The following TIMP3 variants were observed in gnomAD, a reference collection of about 807,000 sequenced individuals.
The protein encoded by TIMP3 is metalloproteinase inhibitor 3.
A neutral mutation model predicts 30.0 loss-of-function variants in TIMP3; 11 were observed. The ratio of observed to expected loss-of-function variants is 0.37; its 90% CI spans 0.23 to 0.61. The LOEUF (loss-of-function observed/expected upper bound fraction) is 0.61. Ranked by LOEUF, TIMP3 falls within the 20% of genes least tolerant of loss-of-function variation. The probability of loss-of-function intolerance (pLI) is 0.70; values close to 1 mark genes in which losing one functional copy is unlikely to be tolerated. For missense variants in TIMP3, 181 were observed against 276.8 expected, an observed-to-expected ratio of 0.65 and a Z score of 2.45; for synonymous variants, 112 against 111.3, an observed-to-expected ratio of 1.01 and a Z score of -0.04.
intron 1 of TIMP3, among the ~76,000 whole-genome samples, chr22:32,818,062 A>G (rs1360749521): frequency 6.6e-6 from 1 of 152,254 alleles, no homozygotes; most frequent in Non-Finnish European, 1.5e-5. Flanking sequence ...CACTTGCCCT[A>G]GAGTATCACT....
At chr22:32,822,155 C>CAAAA (rs35312009) in intron 1 of TIMP3, among the ~76,000 whole-genome samples, 4 of 108,316 alleles carry the variant, frequency 3.7e-5, no homozygotes, top group East Asian at 2.4e-4. Flanking sequence ...AACTCCATCT[C>CAAAA]AAAAAAAAAA....
intron 2 of TIMP3, among the ~76,000 whole-genome samples, chr22:32,853,238 A>T (rs2048272418): frequency 6.6e-6 from 1 of 152,318 alleles, no homozygotes; most frequent in Admixed American, 6.5e-5. Flanking sequence ...CTCTGCAGAG[A>T]CTGGCTCCAT....
intron 2 of TIMP3, among the ~76,000 whole-genome samples, chr22:32,853,743 T>G (rs1268202770): frequency 6.6e-6 from 1 of 152,250 alleles, no homozygotes; most frequent in Non-Finnish European, 1.5e-5. Context: ...AATTTCAGTA[T>G]AACTTGTTCT....
chr22:32,813,777 C>A (rs2046980767), intron 1 of TIMP3, among the ~76,000 whole-genome samples: 1 of 151,978 alleles, frequency 6.6e-6, no homozygotes, highest in African/African-American at 2.4e-5. Flanking sequence ...TGGCTAGTTG[C>A]CTGTCCCTGG....
At chr22:32,838,119 G>C (rs925648897) in intron 1 of TIMP3, among the ~76,000 whole-genome samples, 1 of 152,170 alleles carries the variant, frequency 6.6e-6, no homozygotes, top group Non-Finnish European at 1.5e-5. Flanking sequence ...GCTTCTTAAA[G>C]GTAGGAACCT....
At chr22:32,804,089 C>A (rs2046661289) in intron 1 of TIMP3, among the ~76,000 whole-genome samples, 1 of 152,160 alleles carries the variant, frequency 6.6e-6, no homozygotes, top group African/African-American at 2.4e-5. Context: ...TCATAAATTT[C>A]TCAGAGAAAA....
At chr22:32,826,838 T>C (rs772128806) in intron 1 of TIMP3, among the ~76,000 whole-genome samples, 3 of 152,156 alleles carry the variant, frequency 2.0e-5, no homozygotes, top group Non-Finnish European at 2.9e-5. Context: ...GGCAGGGTTT[T>C]TGCATTCTGC....
At chr22:32,810,439 A>G (rs1406169067) in intron 1 of TIMP3, among the ~76,000 whole-genome samples, 1 of 150,908 alleles carries the variant, frequency 6.6e-6, no homozygotes, top group African/African-American at 2.4e-5. Context: ...GGGGGTGGGG[A>G]AGGGAAGGAA....
At chr22:32,827,194 G>A (rs1195675463) in intron 1 of TIMP3, among the ~76,000 whole-genome samples, 2 of 152,232 alleles carry the variant, frequency 1.3e-5, no homozygotes, top group East Asian at 1.9e-4. Context: ...AATTCAGCGA[G>A]TGACTTTGCG....
intron 1 of TIMP3, among the ~76,000 whole-genome samples, chr22:32,827,710 T>C (rs1292666014): frequency 6.6e-6 from 1 of 152,230 alleles, no homozygotes; most frequent in East Asian, 1.9e-4. Flanking sequence ...CAGTGGCTTC[T>C]TAATTCCTCA....
chr22:32,857,102 A>C, intron 2 of TIMP3, 147 bp from the exon 3 acceptor site: 1 of 712,854 alleles, frequency 1.4e-6, no homozygotes. Flanking sequence ...GCTATTGTGA[A>C]TATTGCTGCA....
At chr22:32,829,541 C>T (rs1018971291) in intron 1 of TIMP3, among the ~76,000 whole-genome samples, 1 of 152,240 alleles carries the variant, frequency 6.6e-6, no homozygotes, top group African/African-American at 2.4e-5. Context: ...CGCAGCAGGG[C>T]TGCCCGCCTC....
chr22:32,841,779 T>C (rs896867781), intron 1 of TIMP3, among the ~76,000 whole-genome samples: 1 of 152,064 alleles, frequency 6.6e-6, no homozygotes, highest in African/African-American at 2.4e-5. Flanking sequence ...AGCAAATCAC[T>C]ATGGTACATG....
At chr22:32,824,446 C>T (rs934514810) in intron 1 of TIMP3, among the ~76,000 whole-genome samples, 2 of 151,828 alleles carry the variant, frequency 1.3e-5, no homozygotes, top group East Asian at 1.9e-4. Context: ...CTTTAAACCC[C>T]GTAGTCATAT....
chr22:32,824,731 C>T (rs946798097), intron 1 of TIMP3, among the ~76,000 whole-genome samples: 2 of 152,168 alleles, frequency 1.3e-5, no homozygotes, highest in African/African-American at 4.8e-5. Flanking sequence ...TCCATTTCCT[C>T]TGCTTTCGAT....
intron 1 of TIMP3, among the ~76,000 whole-genome samples, chr22:32,814,371 AAG>A (rs1299689011): frequency 6.6e-6 from 1 of 150,636 alleles, no homozygotes; most frequent in Non-Finnish European, 1.5e-5. Context: ...GAAAGAAAGA[AAG>A]AGATTGGTTT....
At chr22:32,814,096 C>T (rs1740479201) in intron 1 of TIMP3, among the ~76,000 whole-genome samples, 2 of 135,484 alleles carry the variant, frequency 1.5e-5, no homozygotes, top group African/African-American at 5.6e-5. Context: ...CCAGCCTTTC[C>T]AGGCAATACT....
chr22:32,820,370 G>GTT (rs2047212245), intron 1 of TIMP3, among the ~76,000 whole-genome samples: 1 of 150,864 alleles, frequency 6.6e-6, no homozygotes, highest in African/African-American at 2.4e-5. Flanking sequence ...GTGTGTGTGT[G>GTT]TGTGTGTGGT....
At chr22:32,849,723 G>A (rs1420082895) in intron 2 of TIMP3, among the ~76,000 whole-genome samples, 189 bp downstream of exon 2, 2 of 152,144 alleles carry the variant, frequency 1.3e-5, no homozygotes, top group African/African-American at 4.8e-5. Context: ...GGGGCATGGG[G>A]CTGCCTTGTC....
Sources: gnomAD v4.1 joint callset for allele counts (sites outside exome capture counted in the v4.1 genomes callset) on GRCh38, gnomAD v4.1.1 for gene constraint, MANE v1.5 for transcripts, NCBI Gene and HGNC (gene_info 2026-07-23, HGNC 2026-07-21) for gene names.